Variants in ZSWIM5 observed in about 807,000 individuals in gnomAD.
The protein encoded by ZSWIM5 is zinc finger SWIM-type containing 5, also known as zinc finger SWIM domain-containing protein 5.
A neutral mutation model predicts 119.6 loss-of-function variants in ZSWIM5; 55 were observed. That is an observed-to-expected ratio of 0.46 (90% CI 0.37 to 0.58). The LOEUF (loss-of-function observed/expected upper bound fraction) is 0.58. Ranked by LOEUF, ZSWIM5 falls within the 20% of genes least tolerant of loss-of-function variation. The probability of loss-of-function intolerance (pLI) is 0.00; values close to 1 mark genes in which losing one functional copy is unlikely to be tolerated. For synonymous variants in ZSWIM5, 537 were observed against 606.9 expected, an observed-to-expected ratio of 0.88 and a Z score of 1.69; for missense variants, 1,193 against 1,512.8, an observed-to-expected ratio of 0.79 and a Z score of 3.51.
intron 1 of ZSWIM5, among the ~76,000 whole-genome samples, chr1:45,188,014 G>C (rs905854379): frequency 2.0e-5 from 3 of 152,180 alleles, no homozygotes; most frequent in Non-Finnish European, 2.9e-5. Context: ...ATTATAAAAT[G>C]ATGCACTTTG....
Position 45,088,336 on chromosome 1 carries a change from GGGT to G in ZSWIM5, c.596-102_596-100del. 1.2e-6 allele frequency: 1 copy of G among 862,848 alleles called. No homozygotes were observed. Among genetic ancestry groups the G allele is most frequent in the Non-Finnish European group, 1.7e-6 (1 of 572,858 alleles). The allele number at this position is 862,848 out of a possible 1,614,324, so 53.4% of individuals were successfully genotyped here. A position where few individuals can be genotyped will look rare whatever the true frequency, so the allele number is the denominator to read the frequency against. On this transcript the variant is annotated intron_variant, in intron 1 of 13. Transcript: ENST00000359600. This position sits in a 1 kb window ranked among gnomAD's most constrained non-coding sequence, Gnocchi z 4.2. ...TTCATCAATTCATAAATTATGTATT[GGGT>G]ATCTCCTACACACGTACATGATAGG...
intron 1 of ZSWIM5, among the ~76,000 whole-genome samples, chr1:45,171,541 A>G (rs1570177368): frequency 6.6e-6 from 1 of 152,112 alleles, no homozygotes; most frequent in Non-Finnish European, 1.5e-5. Flanking sequence ...TTCTTGCTAC[A>G]GCTCTGTTAT....
At chr1:45,106,914 C>A (rs1645483380) in intron 1 of ZSWIM5, among the ~76,000 whole-genome samples, 1 of 152,118 alleles carries the variant, frequency 6.6e-6, no homozygotes, top group African/African-American at 2.4e-5. Context: ...ATAACCTTAC[C>A]CCCAACCCCC....
chr1:45,070,419 A>C (rs1402865216), intron 2 of ZSWIM5: 1 of 1,383,920 alleles, frequency 7.2e-7, no homozygotes, highest in African/African-American at 1.4e-5. Context: ...GACATGGTAC[A>C]AAGTCTCCAT....
At chr1:45,078,973 G>A (rs1490676277) in intron 2 of ZSWIM5, among the ~76,000 whole-genome samples, 6 of 152,294 alleles carry the variant, frequency 3.9e-5, no homozygotes, top group Middle Eastern at 3.4e-3. Flanking sequence ...CAGATGGCCC[G>A]AAGCAAGTGA....
chr1:45,151,226 T>C (rs566773388), intron 1 of ZSWIM5, among the ~76,000 whole-genome samples: 4 of 152,034 alleles, frequency 2.6e-5, no homozygotes, highest in African/African-American at 9.6e-5. Flanking sequence ...AATATATATA[T>C]ACTTAAAAGT....
At chr1:45,170,209 ATAAG>A (rs1330650988) in intron 1 of ZSWIM5, among the ~76,000 whole-genome samples, 1 of 152,102 alleles carries the variant, frequency 6.6e-6, no homozygotes, top group African/African-American at 2.4e-5. Flanking sequence ...TGATTTATAA[ATAAG>A]TATGTAATTT....
At chr1:45,191,898 T>G (rs1214226989) in intron 1 of ZSWIM5, among the ~76,000 whole-genome samples, 4 of 152,230 alleles carry the variant, frequency 2.6e-5, no homozygotes, top group Admixed American at 1.3e-4. Context: ...GGTACACAAC[T>G]TTGAAAAGTA....
chr1:45,107,308 T>C (rs1387880623), intron 1 of ZSWIM5, among the ~76,000 whole-genome samples: 1 of 152,102 alleles, frequency 6.6e-6, no homozygotes, highest in Non-Finnish European at 1.5e-5. Flanking sequence ...GGAAAATTCA[T>C]TAAAAAATCT....
In ZSWIM5 at chr1:45,079,796, C is replaced by A. The variant is rs559937314; in HGVS notation, c.952+8085G>T. 1.4e-4 allele frequency among the ~76,000 whole-genome samples: 22 copies of A among 152,278 alleles called. No homozygotes were observed. The East Asian group carries it at 4.0e-3, about 28-fold the overall frequency. ...TCAATGTAGTACATGAGTATCACTG[C>A]TGGTTATTCAGGGCCCCCAGTGCTC... On this transcript the variant is annotated intron_variant, in intron 2 of 13. Transcript: ENST00000359600.
chr1:45,068,270 T>C (rs962910294), intron 2 of ZSWIM5, among the ~76,000 whole-genome samples: 1 of 151,896 alleles, frequency 6.6e-6, no homozygotes, highest in Admixed American at 6.6e-5. Flanking sequence ...CATGCCTGGC[T>C]AATTTTTGTA....
intron 1 of ZSWIM5, among the ~76,000 whole-genome samples, chr1:45,111,267 G>A (rs1160509506): frequency 1.3e-5 from 2 of 152,148 alleles, no homozygotes; most frequent in African/African-American, 4.8e-5. Context: ...TACAGAGTAA[G>A]TTAAAAACAC....
intron 1 of ZSWIM5, among the ~76,000 whole-genome samples, chr1:45,188,696 A>T (rs189517435): frequency 7.9e-5 from 12 of 152,358 alleles, no homozygotes; most frequent in African/African-American, 2.9e-4. Flanking sequence ...ACTGGTTTTC[A>T]AGGCCTCATT....
chr1:45,067,640 A>G (rs1017715937), intron 2 of ZSWIM5, among the ~76,000 whole-genome samples: 1 of 152,212 alleles, frequency 6.6e-6, no homozygotes, highest in African/African-American at 2.4e-5. Context: ...GGAATAAACA[A>G]GGGCACAAAT....
At chr1:45,173,353 C>T (rs541084422) in intron 1 of ZSWIM5, among the ~76,000 whole-genome samples, 1 of 152,208 alleles carries the variant, frequency 6.6e-6, no homozygotes, top group Non-Finnish European at 1.5e-5. Flanking sequence ...TGTGATATTA[C>T]ATAAAAGGCA....
chr1:45,160,978 T>G (rs1184300852), intron 1 of ZSWIM5, among the ~76,000 whole-genome samples: 2 of 151,192 alleles, frequency 1.3e-5, no homozygotes, highest in African/African-American at 4.9e-5. Context: ...CCTGCCACCA[T>G]GCCCGGCTAA....
intron 1 of ZSWIM5, among the ~76,000 whole-genome samples, chr1:45,153,169 A>G (rs1645807639): frequency 6.6e-6 from 1 of 151,648 alleles, no homozygotes; most frequent in Admixed American, 6.6e-5. Flanking sequence ...ACACTTGCAC[A>G]CTACTGGTGG....
chr1:45,202,018 G>C (rs2149057867), intron 1 of ZSWIM5, among the ~76,000 whole-genome samples: 1 of 151,902 alleles, frequency 6.6e-6, no homozygotes, highest in South Asian at 2.1e-4. Flanking sequence ...GGTGGAGGGA[G>C]AGAACTCATT....
chr1:45,195,088 G>A (rs1186810697), intron 1 of ZSWIM5, among the ~76,000 whole-genome samples: 1 of 151,956 alleles, frequency 6.6e-6, no homozygotes, highest in Non-Finnish European at 1.5e-5. Context: ...TGTGGTAAAT[G>A]CCATTTTATC....
Sources: allele counts gnomAD v4.1 joint callset (sites outside exome capture counted in the v4.1 genomes callset), GRCh38; gene constraint gnomAD v4.1.1; non-coding constraint Gnocchi (gnomAD v3.1); transcripts MANE v1.5; gene names NCBI Gene and HGNC (gene_info 2026-07-23, HGNC 2026-07-21).